The following MRTFA variants were observed in gnomAD, a reference collection of about 807,000 sequenced individuals.
MRTFA encodes myocardin-related transcription factor A.
Under a neutral mutation model 83.5 loss-of-function variants are expected in MRTFA, and 20 were observed. The ratio of observed to expected loss-of-function variants is 0.24; its 90% CI spans 0.17 to 0.35. The LOEUF (loss-of-function observed/expected upper bound fraction) is 0.35. Ranked by LOEUF, MRTFA falls within the 10% of genes least tolerant of loss-of-function variation. The probability of loss-of-function intolerance (pLI) is 1.00; values close to 1 mark genes in which losing one functional copy is unlikely to be tolerated. For missense variants in MRTFA, 1,200 were observed against 1,224.7 expected (o/e 0.98, Z 0.30); for synonymous variants, 659 against 541.2 (o/e 1.22, Z -3.02).
chr22:40,492,159 T>C (rs1309482069), intron 3 of MRTFA, among the ~76,000 whole-genome samples: 1 of 152,114 alleles, frequency 6.6e-6, no homozygotes, highest in African/African-American at 2.4e-5. Flanking sequence ...AATGCTGCAA[T>C]AAACCACTCT....
chr22:40,436,692 G>C (rs1038551909), intron 4 of MRTFA, among the ~76,000 whole-genome samples: 1 of 150,474 alleles, frequency 6.6e-6, no homozygotes, highest in Non-Finnish European at 1.5e-5. Flanking sequence ...AGGATGAGAG[G>C]GAAAGGCCTG....
At chr22:40,455,847 T>TG (rs55748069) in intron 4 of MRTFA, among the ~76,000 whole-genome samples, 17 of 151,054 alleles carry the variant, frequency 1.1e-4, no homozygotes, top group South Asian at 2.1e-4. Flanking sequence ...TATGTATGTA[T>TG]TTATGAGATG....
rs747398826 is a variant in MRTFA at position 40,411,016 on chromosome 22, C to T, written c.*374G>A. On this transcript the variant is annotated 3_prime_UTR_variant, in exon 15 of 15. Transcript: ENST00000355630. ...GAAGGAGATTCACCCCTTAACCTGT[C>T]TCAGCCCTGGGTCAGAAGAGAAGCC... 49 of 249,954 alleles carry T rather than the reference C, an allele frequency of 2.0e-4. No individual in the cohort carries two copies. Among genetic ancestry groups the T allele is most frequent in the Non-Finnish European group, 3.1e-4 (41 of 130,164 alleles). 15.5% of individuals were successfully genotyped at this position (249,954 alleles called of 1,614,324 possible).
chr22:40,601,684 G>GC (rs1166833786), intron 1 of MRTFA, among the ~76,000 whole-genome samples: 1 of 152,116 alleles, frequency 6.6e-6, no homozygotes, highest in Non-Finnish European at 1.5e-5. Context: ...TGAATGACTG[G>GC]CCATAACCTT....
chr22:40,576,787 A>G (rs183450928), intron 2 of MRTFA, among the ~76,000 whole-genome samples: 1 of 152,360 alleles, frequency 6.6e-6, no homozygotes, highest in Admixed American at 6.5e-5. Context: ...GTCATCATTA[A>G]GATCATAATG....
chr22:40,569,652 T>C (rs1378162234), intron 2 of MRTFA: 2 of 152,454 alleles, frequency 1.3e-5, no homozygotes, highest in African/African-American at 4.8e-5. Context: ...GAGATGGAGT[T>C]TGCCGTAAGC....
chr22:40,568,154 C>T (rs9623190), intron 2 of MRTFA, among the ~76,000 whole-genome samples: 2,175 of 152,262 alleles, frequency 0.014, 50 homozygotes, highest in African/African-American at 0.05. Context: ...GAGGAACTCT[C>T]AGGACAATGC....
At chr22:40,571,851 G>C (rs1479764618) in intron 2 of MRTFA, among the ~76,000 whole-genome samples, 18 of 147,406 alleles carry the variant, frequency 1.2e-4, no homozygotes, top group Admixed American at 4.8e-4. Context: ...GTGAACCTGG[G>C]AGGCGGAGCT....
At chr22:40,432,978 T>C (rs1263050471) in intron 5 of MRTFA, among the ~76,000 whole-genome samples, 1 of 152,126 alleles carries the variant, frequency 6.6e-6, no homozygotes, top group Non-Finnish European at 1.5e-5. Flanking sequence ...TAGTACTGAT[T>C]AAGAAAATAT....
chr22:40,428,549 T>C (rs539089004), intron 7 of MRTFA, among the ~76,000 whole-genome samples: 2 of 152,342 alleles, frequency 1.3e-5, no homozygotes, highest in East Asian at 3.9e-4. Context: ...GGTCTCACTC[T>C]ATCACCCAGG....
intron 1 of MRTFA, among the ~76,000 whole-genome samples, chr22:40,624,905 A>T (rs1224912030): frequency 6.6e-6 from 1 of 152,214 alleles, no homozygotes; most frequent in Non-Finnish European, 1.5e-5. Flanking sequence ...TTAACTTTTT[A>T]AAAAGGGTCA....
At chr22:40,625,007 A>G (rs2056565121) in intron 1 of MRTFA, among the ~76,000 whole-genome samples, 1 of 152,238 alleles carries the variant, frequency 6.6e-6, no homozygotes, top group African/African-American at 2.4e-5. Context: ...CAAATGAACC[A>G]TAACATCCTA....
chr22:40,535,737 A>G (rs557691694), intron 3 of MRTFA, among the ~76,000 whole-genome samples: 1 of 152,336 alleles, frequency 6.6e-6, no homozygotes, highest in East Asian at 1.9e-4. Context: ...AGGAAAATAA[A>G]TATAAACTTT....
At chr22:40,635,608 G>A (rs1384210581) in intron 1 of MRTFA, among the ~76,000 whole-genome samples, 2 of 152,166 alleles carry the variant, frequency 1.3e-5, no homozygotes, top group African/African-American at 4.8e-5. Flanking sequence ...AGACAACAGA[G>A]AGAAATCTTG....
At chr22:40,435,155 C>CT (rs1241280980) in intron 5 of MRTFA, among the ~76,000 whole-genome samples, 7 of 152,142 alleles carry the variant, frequency 4.6e-5, no homozygotes, top group African/African-American at 1.7e-4. Context: ...ATCTACAAAA[C>CT]GTTAAGTGGA....
chr22:40,487,525 G>C (rs1229541854), intron 3 of MRTFA, among the ~76,000 whole-genome samples: 1 of 151,946 alleles, frequency 6.6e-6, no homozygotes, highest in Non-Finnish European at 1.5e-5. Context: ...ACCACTACTG[G>C]GATATTAGCT....
At chr22:40,508,847 CA>C (rs67844311) in intron 3 of MRTFA, among the ~76,000 whole-genome samples, 13,165 of 110,948 alleles carry the variant, frequency 0.12, 749 homozygotes, top group East Asian at 0.28. Context: ...CTGCCTCTAC[CA>C]AAAAAAAAAA....
chr22:40,545,832 C>A (rs941693619), intron 3 of MRTFA, among the ~76,000 whole-genome samples: 1 of 151,950 alleles, frequency 6.6e-6, no homozygotes, highest in Non-Finnish European at 1.5e-5. Flanking sequence ...CTCCCCAGTT[C>A]AAGCGATTCT....
In MRTFA at chr22:40,492,548, T is replaced by C. The variant is rs938396678; in HGVS notation, c.242-29262A>G. On this transcript the variant is annotated intron_variant, in intron 3 of 14. Transcript: ENST00000355630. Reference sequence around the variant, plus strand: ...CAAAATAGTAAACAGTTGGTTTCTCTGCTCAGAACCAAAAGGCTTCTGCCA... The same window carrying C: ...CAAAATAGTAAACAGTTGGTTTCTCCGCTCAGAACCAAAAGGCTTCTGCCA... Among the ~76,000 whole-genome samples, 123 of 152,342 alleles carry C rather than the reference T, an allele frequency of 8.1e-4. 2 individuals are homozygous for C. The Middle Eastern group carries it at 0.01, about 13-fold the overall frequency.
Sources: allele counts gnomAD v4.1 joint callset (sites outside exome capture counted in the v4.1 genomes callset), GRCh38; gene constraint gnomAD v4.1.1; transcripts MANE v1.5; gene names NCBI Gene and HGNC (gene_info 2026-07-23, HGNC 2026-07-21).